HHAT: variants seen among roughly 807,000 people sequenced by gnomAD.
HHAT encodes the protein hedgehog acyltransferase.
Under a neutral mutation model 70.8 loss-of-function variants are expected in HHAT, and 47 were observed. That is an observed-to-expected ratio of 0.66 (90% CI 0.53 to 0.85). The LOEUF (loss-of-function observed/expected upper bound fraction) is 0.85. Ranked by LOEUF, HHAT falls within the 40% of genes least tolerant of loss-of-function variation. The probability of loss-of-function intolerance (pLI) is 0.00; values close to 1 mark genes in which losing one functional copy is unlikely to be tolerated. For missense variants in HHAT, 609 were observed against 604.8 expected (o/e 1.01, Z -0.07); for synonymous variants, 228 against 247.6 (o/e 0.92, Z 0.74).
rs2087428081 is a variant in HHAT, at chr1:210,354,655, C to G, written c.91+5589C>G. Among the ~76,000 whole-genome samples, 6 of 152,112 alleles carry G rather than the reference C, an allele frequency of 3.9e-5. 1 individual carries two copies. The highest frequency in any genetic ancestry group is 1.3e-4 in the Admixed American group (2 of 15,272). Reference sequence around the variant, plus strand: ...GAGATTACATACATGAACAAGGGTGCCTGGCCTCACATATTAAATTCTTAT... The same window carrying G: ...GAGATTACATACATGAACAAGGGTGGCTGGCCTCACATATTAAATTCTTAT... On this transcript the variant is annotated intron_variant, in intron 2 of 11. Coordinates refer to ENST00000261458, the MANE Select transcript of HHAT (RefSeq NM_018194.6).
intron 11 of HHAT, among the ~76,000 whole-genome samples, chr1:210,673,583 T>C (rs1382661751): frequency 1.0e-5 from 1 of 95,674 alleles, no homozygotes; most frequent in African/African-American, 4.8e-5. Flanking sequence ...TAAACGTGGA[T>C]TCTTCTTTTT....
intron 9 of HHAT, among the ~76,000 whole-genome samples, chr1:210,540,140 G>T (rs752888666): frequency 2.0e-5 from 1 of 51,004 alleles, no homozygotes; most frequent in Non-Finnish European, 4.1e-5. Flanking sequence ...GAAGATGGCC[G>T]AGGGCTTGGT....
At chr1:210,461,356 T>A (rs1405999568) in intron 7 of HHAT, among the ~76,000 whole-genome samples, 1 of 152,196 alleles carries the variant, frequency 6.6e-6, no homozygotes, top group South Asian at 2.1e-4. Flanking sequence ...TGGAGTGCAG[T>A]GGCATGATCT....
At chr1:210,473,102 G>T (rs1478867423) in intron 8 of HHAT, among the ~76,000 whole-genome samples, 2 of 152,182 alleles carry the variant, frequency 1.3e-5, no homozygotes, top group African/African-American at 2.4e-5. Context: ...ATTCTCTACA[G>T]AATGTAAATT....
intron 7 of HHAT, among the ~76,000 whole-genome samples, chr1:210,432,400 T>C (rs1201453445): frequency 1.3e-5 from 2 of 151,876 alleles, no homozygotes; most frequent in Admixed American, 1.3e-4. Context: ...AGAAGAAAGC[T>C]CAATTTATCA....
chr1:210,404,849 A>G (rs553710393), intron 6 of HHAT, among the ~76,000 whole-genome samples, 170 bp downstream of exon 6: 1 of 152,282 alleles, frequency 6.6e-6, no homozygotes, highest in South Asian at 2.1e-4. Context: ...CATATGAGAA[A>G]TGAGCCTTTA....
intron 9 of HHAT, among the ~76,000 whole-genome samples, chr1:210,576,795 G>A (rs977947608): frequency 2.0e-5 from 3 of 152,124 alleles, no homozygotes; most frequent in Admixed American, 2.0e-4. Context: ...AATCTCCAAA[G>A]CACTATCCAT....
intron 9 of HHAT, among the ~76,000 whole-genome samples, chr1:210,546,168 A>G (rs2095481513): frequency 1.3e-5 from 2 of 152,222 alleles, no homozygotes; most frequent in South Asian, 4.1e-4. Context: ...TTCAGTGTCT[A>G]CTACATGCCA....
At chr1:210,366,548 G>A (rs1003592295) in intron 3 of HHAT, among the ~76,000 whole-genome samples, 1 of 152,166 alleles carries the variant, frequency 6.6e-6, no homozygotes, top group African/African-American at 2.4e-5. Context: ...CCCGGGAGGT[G>A]GAGGTTGTAG....
intron 1 of HHAT, among the ~76,000 whole-genome samples, chr1:210,334,177 C>CCTTTTTTTTTTTTTTTTTTTTT (rs1342123521): frequency 2.9e-5 from 1 of 34,548 alleles, no homozygotes; most frequent in East Asian, 5.5e-4. Context: ...TTTAGCGTGT[C>CCTTTTTTTTTTTTTTTTTTTTT]ATTTTTTTTT....
intron 11 of HHAT, among the ~76,000 whole-genome samples, chr1:210,673,551 A>G (rs1276815860): frequency 2.0e-5 from 3 of 150,822 alleles, no homozygotes; most frequent in African/African-American, 4.9e-5. Flanking sequence ...TCCTTTTTCA[A>G]TTACTAACTG....
At chr1:210,589,223 A>G (rs914435656) in intron 10 of HHAT, 1 of 152,256 alleles carries the variant, frequency 6.6e-6, no homozygotes, top group African/African-American at 2.4e-5. Context: ...GAATACATTT[A>G]CATATGTTTT....
chr1:210,384,309 T>G (rs1421319117), intron 3 of HHAT, among the ~76,000 whole-genome samples: 1 of 152,030 alleles, frequency 6.6e-6, no homozygotes, highest in Non-Finnish European at 1.5e-5. Flanking sequence ...GCTCTGTTGG[T>G]GAGTGTTAGG....
chr1:210,350,056 G>A (rs2086879541), intron 2 of HHAT, among the ~76,000 whole-genome samples: 1 of 152,192 alleles, frequency 6.6e-6, no homozygotes, highest in African/African-American at 2.4e-5. Context: ...ATACCATAAT[G>A]TCTTGATTAC....
chr1:210,505,451 CA>C (rs1224210470), intron 8 of HHAT, among the ~76,000 whole-genome samples: 2 of 152,146 alleles, frequency 1.3e-5, no homozygotes, highest in Admixed American at 1.3e-4. Flanking sequence ...TGTTGTATTT[CA>C]ATTATTTCAT....
chr1:210,337,870 G>T (rs887830876), intron 1 of HHAT, among the ~76,000 whole-genome samples: 4 of 152,134 alleles, frequency 2.6e-5, no homozygotes, highest in African/African-American at 9.7e-5. Context: ...TCTTCACAAA[G>T]AGCACACTTC....
intron 1 of HHAT, among the ~76,000 whole-genome samples, chr1:210,334,177 C>CCTTTTTTTTTTTT (rs1342123521): frequency 2.9e-5 from 1 of 34,548 alleles, no homozygotes; most frequent in Non-Finnish European, 5.3e-5. Flanking sequence ...TTTAGCGTGT[C>CCTTTTTTTTTTTT]ATTTTTTTTT....
At chr1:210,458,750 A>C (rs532797184) in intron 7 of HHAT, among the ~76,000 whole-genome samples, 1 of 152,164 alleles carries the variant, frequency 6.6e-6, no homozygotes, top group African/African-American at 2.4e-5. Flanking sequence ...CATTCCCTCC[A>C]CCTTTCAGCG....
intron 1 of HHAT, among the ~76,000 whole-genome samples, chr1:210,330,742 G>A (rs916403137): frequency 6.6e-6 from 1 of 152,196 alleles, no homozygotes; most frequent in Admixed American, 6.5e-5. Flanking sequence ...ACCAAGGACC[G>A]GTTTCATGGA....
Sources: gnomAD v4.1 joint callset for allele counts (sites outside exome capture counted in the v4.1 genomes callset) on GRCh38, gnomAD v4.1.1 for gene constraint, MANE v1.5 for transcripts, NCBI Gene and HGNC (gene_info 2026-07-23, HGNC 2026-07-21) for gene names.